ECPAS: variants seen among roughly 807,000 people sequenced by gnomAD.
The protein encoded by ECPAS is proteasome adapter and scaffold protein ECM29.
Under a neutral mutation model 255.1 loss-of-function variants are expected in ECPAS, and 70 were observed. The ratio of observed to expected loss-of-function variants is 0.27; its 90% CI spans 0.23 to 0.33. The LOEUF is 0.33. Ranked by LOEUF, ECPAS falls within the 10% of genes least tolerant of loss-of-function variation. The probability of loss-of-function intolerance (pLI) is 1.00; values close to 1 mark genes in which losing one functional copy is unlikely to be tolerated. For missense variants in ECPAS, 1,817 were observed against 2,206.4 expected, an observed-to-expected ratio of 0.82 and a Z score of 3.54; for synonymous variants, 784 against 775.0, an observed-to-expected ratio of 1.01 and a Z score of -0.19.
rs1383831684 is a variant in ECPAS, at chr9:111,442,344, A to C, written c.351T>G (p.Leu117=). Residue 117 remains leucine (L), a synonymous_variant, in exon 5 of 50, where the codon CTT becomes CTG. Coordinates refer to ENST00000684092, the MANE Select transcript of ECPAS (RefSeq NM_001364929.1). Reference sequence around the variant, plus strand: ...GCTGAGGCTTCCCTTCCATGGCAGTAAGAAGCGTAGGGGCCAGTTCACATT... The same window carrying C: ...GCTGAGGCTTCCCTTCCATGGCAGTCAGAAGCGTAGGGGCCAGTTCACATT... ...EKQCELAPTL[L]TAMEGKPQPQ... 3 of 1,612,922 alleles carry C rather than the reference A, an allele frequency of 1.9e-6. No individual in the cohort carries two copies. Among genetic ancestry groups the C allele is most frequent in the Non-Finnish European group, 2.5e-6 (3 of 1,179,444 alleles).
At chr9:111,407,292 C>T (rs2098185562) in intron 24 of ECPAS, among the ~76,000 whole-genome samples, 1 of 144,934 alleles carries the variant, frequency 6.9e-6, no homozygotes, top group Admixed American at 6.8e-5. Flanking sequence ...ATCCCAACTA[C>T]TTAGGAGGCT....
rs191367919 is a variant in ECPAS, at chr9:111,398,712, G to A, written c.2653-1559C>T. ...AACACTTTGGGAGGCCACGGTGGGC[G>A]GATCACCTGAGGTCAGGAGTTTAAG... On this transcript the variant is annotated intron_variant, in intron 24 of 49. Coordinates refer to ENST00000684092, the MANE Select transcript of ECPAS (RefSeq NM_001364929.1). Among the ~76,000 whole-genome samples the A allele has an allele frequency of 4.1e-4, 63 of 152,236 alleles. 1 individual carries two copies. The highest frequency in any genetic ancestry group is 3.1e-3 in the Admixed American group (47 of 15,302).
chr9:111,476,106 G>A (rs2132107196), intron 1 of ECPAS, among the ~76,000 whole-genome samples: 1 of 152,300 alleles, frequency 6.6e-6, no homozygotes, highest in Middle Eastern at 3.4e-3. Flanking sequence ...GTTTCCCATG[G>A]CTATGTCAAA....
At chr9:111,446,225 T>C (rs541542949) in intron 3 of ECPAS, among the ~76,000 whole-genome samples, 22 of 152,180 alleles carry the variant, frequency 1.4e-4, no homozygotes, top group African/African-American at 4.8e-4. Flanking sequence ...GAGAGCAAAA[T>C]AGGAATTGAC....
intron 43 of ECPAS, 28 bp downstream of exon 43, chr9:111,371,593 T>C: frequency 6.3e-7 from 1 of 1,586,428 alleles, no homozygotes; most frequent in Non-Finnish European, 8.6e-7. Context: ...TCAGAATCCC[T>C]TTAACTGGGT....
At position 111,458,050 on chromosome 9, in the gene ECPAS, T is replaced by C. The variant is rs1020695707; in HGVS notation, c.23-6495A>G. On this transcript the variant is annotated intron_variant, in intron 2 of 49. Transcript: ENST00000684092. ...AAACACACATTAAAAAAGTATAAAATTCCTCCTTTGCATATATTATGGGGA... is the reference window on the plus strand; with the variant it reads ...AAACACACATTAAAAAAGTATAAAACTCCTCCTTTGCATATATTATGGGGA... Among the ~76,000 whole-genome samples the C allele has an allele frequency of 9.2e-5, 14 of 152,262 alleles. No individual in the cohort carries two copies. In the South Asian group the frequency reaches 2.5e-3, roughly 27 times the overall value.
intron 24 of ECPAS, among the ~76,000 whole-genome samples, chr9:111,399,919 G>T (rs2098173182): frequency 6.6e-6 from 1 of 152,280 alleles, no homozygotes; most frequent in African/African-American, 2.4e-5. Context: ...GGTGGCCACA[G>T]GCCTTGGGTG....
chr9:111,482,254 A>T (rs1393246994), intron 1 of ECPAS, among the ~76,000 whole-genome samples: 3 of 152,158 alleles, frequency 2.0e-5, no homozygotes, highest in African/African-American at 7.2e-5. Flanking sequence ...CGACTCTCCA[A>T]TCTGCTCAGG....
chr9:111,389,947 G>A (rs1222886541), intron 30 of ECPAS, 37 bp downstream of exon 30: 2 of 1,417,694 alleles, frequency 1.4e-6, no homozygotes, highest in African/African-American at 2.8e-5. Flanking sequence ...TGGTTTGCAT[G>A]AAAAAAATAA....
Position 111,414,590 on chromosome 9 carries a change from C to T in ECPAS, c.1826G>A (p.Ser609Asn). 1 of 1,614,010 alleles carries T rather than the reference C, an allele frequency of 6.2e-7. No individual in the cohort carries two copies. Among genetic ancestry groups the T allele is most frequent in the Non-Finnish European group, 8.5e-7 (1 of 1,179,894 alleles). The change falls in exon 19 of 50, where the codon AGT becomes AAT. Residue 609 changes from serine (S) to asparagine (N), a missense_variant. Around this residue, in one of 4 missense-constraint regions of ECPAS, gnomAD observed 573 missense variants for 716.2 expected, o/e 0.80. Transcript: ENST00000684092. ...HSAGVVPTSQSLADMQDHAPA... is the reference protein window; with the variant it reads ...HSAGVVPTSQNLADMQDHAPA... ...GGCATGATCCTGCATATCAGCCAAA[C>T]TCTGAGAGGTGGGCACCACCCCCGC...
chr9:111,483,647 C>A, intron 1 of ECPAS: 1 of 201,172 alleles, frequency 5.0e-6, no homozygotes, highest in Non-Finnish European at 8.7e-6. Context: ...TCCGTTCACT[C>A]GGCGCGGACC....
chr9:111,454,375 C>T (rs1325608575), intron 2 of ECPAS, among the ~76,000 whole-genome samples: 2 of 152,126 alleles, frequency 1.3e-5, no homozygotes, highest in Non-Finnish European at 2.9e-5. Flanking sequence ...TTCATGCAAT[C>T]ATTTGGATGC....
intron 1 of ECPAS, among the ~76,000 whole-genome samples, chr9:111,474,430 C>G (rs1212001671): frequency 6.6e-6 from 1 of 152,198 alleles, no homozygotes; most frequent in Non-Finnish European, 1.5e-5. Context: ...GCCAAATCCA[C>G]TTCCACTGTC....
intron 2 of ECPAS, among the ~76,000 whole-genome samples, chr9:111,461,935 C>A (rs980369837): frequency 6.6e-6 from 1 of 152,130 alleles, no homozygotes; most frequent in African/African-American, 2.4e-5. Flanking sequence ...CTCCTAAGAC[C>A]CACTCGCTAT....
At chr9:111,394,645 T>C (rs1201359438) in intron 25 of ECPAS, among the ~76,000 whole-genome samples, 2 of 152,202 alleles carry the variant, frequency 1.3e-5, no homozygotes, top group East Asian at 3.9e-4. Flanking sequence ...CTCCTCCAGC[T>C]ACCATACTGT....
At chr9:111,373,506 A>G in intron 39 of ECPAS, 100 bp from the exon 40 acceptor site, 1 of 870,590 alleles carries the variant, frequency 1.1e-6, no homozygotes, top group Non-Finnish European at 1.9e-6. Context: ...TTAACATCTG[A>G]TTTACTCCAC....
At chr9:111,392,570 A>T (rs564857063) in intron 28 of ECPAS, among the ~76,000 whole-genome samples, 198 bp downstream of exon 28, 1 of 152,306 alleles carries the variant, frequency 6.6e-6, no homozygotes, top group South Asian at 2.1e-4. Flanking sequence ...CGCTTGACCT[A>T]GTGGCATGCT....
intron 2 of ECPAS, among the ~76,000 whole-genome samples, chr9:111,467,282 T>A (rs1344182109): frequency 6.6e-6 from 1 of 152,168 alleles, no homozygotes; most frequent in Non-Finnish European, 1.5e-5. Context: ...GAAATCAGTT[T>A]CCTTTCAGGA....
At chr9:111,478,036 G>A (rs568148290) in intron 1 of ECPAS, among the ~76,000 whole-genome samples, 5 of 151,744 alleles carry the variant, frequency 3.3e-5, no homozygotes, top group Non-Finnish European at 7.4e-5. Context: ...AAGTAGCTGG[G>A]ACTACAGGCG....
Sources: allele counts gnomAD v4.1 joint callset (sites outside exome capture counted in the v4.1 genomes callset), GRCh38; gene constraint gnomAD v4.1.1; regional missense constraint gnomAD v4.1.1; transcripts MANE v1.5; gene names NCBI Gene and HGNC (gene_info 2026-07-23, HGNC 2026-07-21).